CEP112: variants seen among roughly 807,000 people sequenced by gnomAD.
CEP112 encodes the protein centrosomal protein 112, also known as centrosomal protein of 112 kDa.
In CEP112, 127 loss-of-function variants were observed where a neutral mutation model predicts 153.0. That is an observed-to-expected ratio of 0.83 (90% CI 0.72 to 0.96). The LOEUF (loss-of-function observed/expected upper bound fraction) is 0.96. Among genes scored for constraint, CEP112 ranks in the 40% least tolerant of loss-of-function variants. The probability of loss-of-function intolerance (pLI) is 0.00; values close to 1 mark genes in which losing one functional copy is unlikely to be tolerated. For missense variants in CEP112, 1,089 were observed against 1,101.2 expected (o/e 0.99, Z 0.16); for synonymous variants, 358 against 374.4 (o/e 0.96, Z 0.51).
intron 17 of CEP112, among the ~76,000 whole-genome samples, chr17:65,985,691 T>C (rs2063382045): frequency 6.6e-6 from 1 of 152,028 alleles, no homozygotes; most frequent in Non-Finnish European, 1.5e-5. Flanking sequence ...GAAAAACCAT[T>C]TGGGAGATCA....
chr17:65,817,647 G>A (rs1249038023), intron 21 of CEP112, among the ~76,000 whole-genome samples: 1 of 151,774 alleles, frequency 6.6e-6, no homozygotes, highest in African/African-American at 2.4e-5. Flanking sequence ...ATCTCACAGG[G>A]TACTTCAAAA....
chr17:65,965,225 G>A (rs1448519144), intron 17 of CEP112, among the ~76,000 whole-genome samples: 10 of 151,980 alleles, frequency 6.6e-5, no homozygotes, highest in East Asian at 1.9e-4. Flanking sequence ...TTAGCTATCC[G>A]TCAGATAATT....
intron 20 of CEP112, among the ~76,000 whole-genome samples, chr17:65,859,245 C>T (rs1340907098): frequency 2.0e-5 from 3 of 150,592 alleles, no homozygotes; most frequent in Admixed American, 6.6e-5. Context: ...AGTTCAAAAC[C>T]AGCCTGGCAA....
At chr17:65,926,160 C>T (rs1384043720) in intron 19 of CEP112, among the ~76,000 whole-genome samples, 1 of 152,202 alleles carries the variant, frequency 6.6e-6, no homozygotes, top group Admixed American at 6.5e-5. Flanking sequence ...ACCTTTCTCC[C>T]CATACTCTGG....
At chr17:65,653,199 G>T (rs1004159211) in intron 24 of CEP112, among the ~76,000 whole-genome samples, 2 of 152,194 alleles carry the variant, frequency 1.3e-5, no homozygotes, top group Non-Finnish European at 2.9e-5. Context: ...GTGTGCATAT[G>T]AATTTTCTCA....
chr17:65,771,866 T>A (rs2053375762), intron 21 of CEP112, among the ~76,000 whole-genome samples: 1 of 151,764 alleles, frequency 6.6e-6, no homozygotes, highest in African/African-American at 2.4e-5. Flanking sequence ...AAAAATAATT[T>A]AAAAATTAGC....
chr17:65,741,229 G>A (rs1176100739), intron 23 of CEP112, among the ~76,000 whole-genome samples: 5 of 152,052 alleles, frequency 3.3e-5, no homozygotes, highest in East Asian at 1.9e-4. Context: ...AACATAGTAC[G>A]TGATGAGTAA....
chr17:65,707,421 T>G (rs2144669617), intron 23 of CEP112, among the ~76,000 whole-genome samples: 1 of 152,250 alleles, frequency 6.6e-6, no homozygotes, highest in South Asian at 2.1e-4. Context: ...CTCCCATACA[T>G]TCTACACGTC....
intron 18 of CEP112, among the ~76,000 whole-genome samples, chr17:65,960,211 T>G (rs2062149414): frequency 6.6e-6 from 1 of 152,130 alleles, no homozygotes; most frequent in African/African-American, 2.4e-5. Context: ...TAAAATATAC[T>G]ATATTCATAT....
chr17:65,951,932 A>G (rs2061849999), intron 18 of CEP112, among the ~76,000 whole-genome samples: 1 of 152,008 alleles, frequency 6.6e-6, no homozygotes, highest in African/African-American at 2.4e-5. Context: ...TTTTGTTTCC[A>G]TTCAGCTTAA....
intron 16 of CEP112, among the ~76,000 whole-genome samples, chr17:66,014,120 A>G (rs2064664921): frequency 6.6e-6 from 1 of 152,222 alleles, no homozygotes; most frequent in Admixed American, 6.5e-5. Flanking sequence ...TCACCCATGC[A>G]CACATGTGCC....
chr17:65,780,612 T>C (rs2053942569), intron 21 of CEP112, among the ~76,000 whole-genome samples: 1 of 152,118 alleles, frequency 6.6e-6, no homozygotes, highest in Admixed American at 6.6e-5. Flanking sequence ...AAATCTAATG[T>C]GTGATTTGAC....
intron 5 of CEP112, 44 bp from the exon 6 acceptor site, chr17:66,129,867 T>C (rs371793252): frequency 1.2e-5 from 14 of 1,175,608 alleles, no homozygotes; most frequent in East Asian, 2.6e-5. Flanking sequence ...GAAGGAAAGA[T>C]GGAAGAAATA....
At chr17:65,895,798 A>G (rs2059639092) in intron 20 of CEP112, among the ~76,000 whole-genome samples, 1 of 152,076 alleles carries the variant, frequency 6.6e-6, no homozygotes, top group Non-Finnish European at 1.5e-5. Flanking sequence ...AGATTACTTT[A>G]TCTGACTATC....
Position 65,635,672 on chromosome 17 carries a change from T to C in CEP112, c.*299A>G. ...ACTGGTAAAATTCTATGCAAAAGGA[T>C]TAACAAGGCATATCATAGGAAATCA... On this transcript the variant is annotated 3_prime_UTR_variant, in exon 27 of 27. Transcript: ENST00000535342. The C allele has an allele frequency of 2.3e-6, 1 of 430,976 alleles. No individual in the cohort carries two copies. The highest frequency in any genetic ancestry group is 4.2e-5 in the Admixed American group (1 of 23,908). The allele number at this position is 430,976 out of a possible 1,614,324, so 26.7% of individuals were successfully genotyped here.
chr17:65,755,388 C>T (rs1376647896), intron 21 of CEP112, among the ~76,000 whole-genome samples: 2 of 152,098 alleles, frequency 1.3e-5, no homozygotes, highest in African/African-American at 4.8e-5. Flanking sequence ...GAAATCTGCC[C>T]CTATGATCCA....
chr17:66,154,310 T>C (rs902299062), intron 4 of CEP112, among the ~76,000 whole-genome samples: 1 of 151,602 alleles, frequency 6.6e-6, no homozygotes, highest in African/African-American at 2.4e-5. Context: ...AGGTCAAGAG[T>C]TCAAGACTAG....
chr17:65,808,474 T>C (rs2055745611), intron 21 of CEP112, among the ~76,000 whole-genome samples: 1 of 152,194 alleles, frequency 6.6e-6, no homozygotes, highest in South Asian at 2.1e-4. Flanking sequence ...GATAGAATGA[T>C]ATGGTTTGGC....
intron 24 of CEP112, among the ~76,000 whole-genome samples, chr17:65,656,721 A>G (rs1158737462): frequency 6.6e-6 from 1 of 152,204 alleles, no homozygotes; most frequent in Non-Finnish European, 1.5e-5. Flanking sequence ...GACTAGACCA[A>G]GCTCCACTAG....
Sources: gnomAD v4.1 joint callset for allele counts (sites outside exome capture counted in the v4.1 genomes callset) on GRCh38, gnomAD v4.1.1 for gene constraint, MANE v1.5 for transcripts, NCBI Gene and HGNC (gene_info 2026-07-23, HGNC 2026-07-21) for gene names.